The following FOXN1 variants were observed in gnomAD, a reference collection of about 807,000 sequenced individuals.
FOXN1 encodes the protein forkhead box protein N1.
Under a neutral mutation model 49.0 loss-of-function variants are expected in FOXN1, and 15 were observed. That is an observed-to-expected ratio of 0.31 (90% CI 0.20 to 0.47). The LOEUF (loss-of-function observed/expected upper bound fraction) is 0.47, where lower values mean the gene tolerates loss of function less well. FOXN1 is among the 20% of genes least tolerant of loss of function. FOXN1 has a pLI of 1.00. For missense variants in FOXN1, 800 were observed against 842.8 expected, an observed-to-expected ratio of 0.95 and a Z score of 0.63; for synonymous variants, 356 against 369.0, an observed-to-expected ratio of 0.96 and a Z score of 0.40.
At chr17:28,529,490 G>A (rs967940631) in intron 5 of FOXN1, among the ~76,000 whole-genome samples, 6 of 152,164 alleles carry the variant, frequency 3.9e-5, no homozygotes, top group African/African-American at 7.2e-5. Flanking sequence ...GCCTGCCAAG[G>A]TCTCACCTCC....
intron 6 of FOXN1, among the ~76,000 whole-genome samples, chr17:28,533,489 C>CCA (rs1555610621): frequency 2.0e-5 from 3 of 150,254 alleles, no homozygotes; most frequent in African/African-American, 7.5e-5. Context: ...ACGAGCACCC[C>CCA]CCCCCACTGC....
Position 28,535,210 on chromosome 17 carries a change from G to T in FOXN1, c.1627+12G>T. On this transcript the variant is annotated intron_variant, in intron 8 of 8. Transcript: ENST00000579795. ...CTTCGACTTCCAGGGTGAGCTGGGG[G>T]TGGGAAAGGGAAGGTGGGACAGGAC... The T allele has an allele frequency of 6.2e-7, 1 of 1,611,984 alleles. No individual in the cohort carries two copies. The highest frequency in any genetic ancestry group is 2.2e-5 in the East Asian group (1 of 44,886).
chr17:28,523,803 T>TCG, intron 1 of FOXN1, 153 bp from the exon 2 acceptor site: 1 of 92,716 alleles, frequency 1.1e-5, no homozygotes, highest in Non-Finnish European at 2.8e-5. Context: ...TCTCTCTCTC[T>TCG]CTCTCTCTCT....
chr17:28,517,142 G>A (rs1461051050), intron 1 of FOXN1, among the ~76,000 whole-genome samples: 2 of 131,188 alleles, frequency 1.5e-5, no homozygotes, highest in African/African-American at 5.7e-5. Flanking sequence ...CATCTCCACA[G>A]GGTACACACC....
At position 28,538,138 on chromosome 17, in the gene FOXN1, G is replaced by A. The variant is rs904057650; in HGVS notation, c.*702G>A. The A allele has an allele frequency of 1.3e-5, 2 of 152,344 alleles. No individual in the cohort carries two copies. The highest frequency in any genetic ancestry group is 2.9e-5 in the Non-Finnish European group (2 of 68,206). 9.4% of individuals were successfully genotyped at this position (152,344 alleles called of 1,614,324 possible). On this transcript the variant is annotated 3_prime_UTR_variant, in exon 9 of 9. Transcript: ENST00000579795. Reference sequence around the variant, plus strand: ...CATGCTCTGTCCAGCTTTCCCCAGGGTGACATACAGAAGGGGCAACATCTA... The same window carrying A: ...CATGCTCTGTCCAGCTTTCCCCAGGATGACATACAGAAGGGGCAACATCTA...
rs753881115 is a variant in FOXN1, at chr17:28,524,916, C to T, written c.537C>T (p.Ala179=). The T allele has an allele frequency of 1.2e-6, 2 of 1,613,078 alleles. No homozygotes were observed. Among genetic ancestry groups the T allele is most frequent in the East Asian group, 4.5e-5 (2 of 44,874 alleles). Residue 179 remains alanine, a synonymous_variant, in exon 3 of 9, where the codon GCC becomes GCT. Coordinates refer to ENST00000579795, the MANE Select transcript of FOXN1 (RefSeq NM_001369369.1). ...EAFLPGFSAE[A]WCNGLPYPSQ... is the part of the protein sequence containing the mutation. ...TCCTGCCTGGCTTCTCAGCAGAGGCCTGGTGTAACGGGCTCCCCTACCCCA... is the reference window on the plus strand; with the variant it reads ...TCCTGCCTGGCTTCTCAGCAGAGGCTTGGTGTAACGGGCTCCCCTACCCCA...
chr17:28,516,449 T>C (rs2069503300), intron 1 of FOXN1, among the ~76,000 whole-genome samples: 1 of 149,384 alleles, frequency 6.7e-6, no homozygotes, highest in Non-Finnish European at 1.5e-5. Context: ...CTCCACAGGA[T>C]CCACACCTCC....
intron 1 of FOXN1, among the ~76,000 whole-genome samples, chr17:28,517,535 ACAGGG>A (rs2069546040): frequency 1.3e-5 from 2 of 150,894 alleles, no homozygotes; most frequent in Non-Finnish European, 1.5e-5. Flanking sequence ...ACATACCTCC[ACAGGG>A]TACATGCCTG....
chr17:28,508,057 C>G (rs1356256297), intron 1 of FOXN1, among the ~76,000 whole-genome samples: 2 of 152,186 alleles, frequency 1.3e-5, no homozygotes, highest in African/African-American at 2.4e-5. Flanking sequence ...GCTCAGCTCC[C>G]GGCTCCAGGG....
chr17:28,529,075 C>A lies in FOXN1; in HGVS notation c.700-19C>A. On this transcript the variant is annotated intron_variant, in intron 4 of 8. Coordinates refer to ENST00000579795, the MANE Select transcript of FOXN1 (RefSeq NM_001369369.1). ...GGCTGGGTACCATGCAATCACTCTG[C>A]CCCTTTTGACCTCCTCAGTACTCGC... 6.2e-7 allele frequency: 1 copy of A among 1,613,964 alleles called. No individual in the cohort carries two copies. Among genetic ancestry groups the A allele is most frequent in the Non-Finnish European group, 8.5e-7 (1 of 1,179,906 alleles).
At chr17:28,530,602 C>T (rs556696382) in intron 5 of FOXN1, 147 bp from the exon 6 acceptor site, 1 of 665,010 alleles carries the variant, frequency 1.5e-6, no homozygotes, top group African/African-American at 1.8e-5. Context: ...TAATTCCTGA[C>T]TTCCGTGCTC....
In FOXN1 at chr17:28,534,574, G is replaced by T; in HGVS notation, c.1135+36G>T. 2 of 1,603,574 alleles carry T rather than the reference G, an allele frequency of 1.2e-6. No homozygotes were observed. The highest frequency in any genetic ancestry group is 1.1e-5 in the South Asian group (1 of 90,152). On this transcript the variant is annotated intron_variant, in intron 7 of 8. Transcript: ENST00000579795. This position sits in a 1 kb window ranked among gnomAD's most constrained non-coding sequence, Gnocchi z 4.1. ...CCGGGCCACGCAAGGAAGGGCCCAG[G>T]GTACTCATGAGCCAAAAAAAAAAAA...
At position 28,524,958 on chromosome 17, in the gene FOXN1, C is replaced by T. The variant is rs373379725; in HGVS notation, c.579C>T (p.Pro193=). 1.9e-6 allele frequency: 3 copies of T among 1,609,476 alleles called. No homozygotes were observed. The highest frequency in any genetic ancestry group is 1.7e-6 in the Non-Finnish European group (2 of 1,179,064). ...GLPYPSQEHG[P]QVLGSEVKVK... is the part of the protein sequence containing the mutation. Reference sequence around the variant, plus strand: ...CCTACCCCAGCCAGGAGCATGGCCCCCAAGTCCTGGTGAGTACTAGTGGCC... The same window carrying T: ...CCTACCCCAGCCAGGAGCATGGCCCTCAAGTCCTGGTGAGTACTAGTGGCC... The change falls in exon 3 of 9, where the codon CCC becomes CCT. Residue 193 remains proline, a synonymous_variant. Transcript: ENST00000579795.
At chr17:28,528,913 C>T (rs2069837963) in intron 4 of FOXN1, among the ~76,000 whole-genome samples, 181 bp from the exon 5 acceptor site, 1 of 152,178 alleles carries the variant, frequency 6.6e-6, no homozygotes, top group African/African-American at 2.4e-5. Context: ...TCCTGAATTA[C>T]AGGGTGTGGA....
chr17:28,537,631 G>A lies in FOXN1; in HGVS notation c.*195G>A, dbSNP rs1356117621. 4 of 639,474 alleles carry A rather than the reference G, an allele frequency of 6.3e-6. No homozygotes were observed. The highest frequency in any genetic ancestry group is 1.8e-5 in the South Asian group (1 of 56,904). 39.6% of individuals were successfully genotyped at this position (639,474 alleles called of 1,614,324 possible). On this transcript the variant is annotated 3_prime_UTR_variant, in exon 9 of 9. Coordinates refer to ENST00000579795, the MANE Select transcript of FOXN1 (RefSeq NM_001369369.1). Reference sequence around the variant, plus strand: ...GGGGTGCTGCCTCTCACACATTTCTGCCACGTGGTGGCCCAGCTCCTCACC... The same window carrying A: ...GGGGTGCTGCCTCTCACACATTTCTACCACGTGGTGGCCCAGCTCCTCACC...
At chr17:28,525,977 T>C (rs1371820114) in intron 3 of FOXN1, among the ~76,000 whole-genome samples, 3 of 152,170 alleles carry the variant, frequency 2.0e-5, no homozygotes, top group African/African-American at 7.2e-5. Context: ...GTGCTTTCTT[T>C]CAAGTGCCCC....
At chr17:28,525,728 C>T (rs2069752119) in intron 3 of FOXN1, among the ~76,000 whole-genome samples, 1 of 152,152 alleles carries the variant, frequency 6.6e-6, no homozygotes. Flanking sequence ...CCCCCCTCAC[C>T]TCTTGCTTTC....
chr17:28,508,696 G>A (rs1170011301), intron 1 of FOXN1, among the ~76,000 whole-genome samples: 1 of 152,078 alleles, frequency 6.6e-6, no homozygotes, highest in Non-Finnish European at 1.5e-5. Flanking sequence ...GGACAGAAAG[G>A]CCCCACTCTC....
At chr17:28,507,773 C>T (rs571735602) in intron 1 of FOXN1, among the ~76,000 whole-genome samples, 1 of 152,342 alleles carries the variant, frequency 6.6e-6, no homozygotes, top group East Asian at 1.9e-4. Flanking sequence ...CCATCTTGCT[C>T]ATTCCCTGAC....
Sources: gnomAD v4.1 joint callset for allele counts (sites outside exome capture counted in the v4.1 genomes callset) on GRCh38, gnomAD v4.1.1 for gene constraint, Gnocchi (gnomAD v3.1) non-coding constraint, MANE v1.5 for transcripts, NCBI Gene and HGNC (gene_info 2026-07-23, HGNC 2026-07-21) for gene names.